The following GRIN2A variants were observed in gnomAD, a reference collection of about 807,000 sequenced individuals.
The protein encoded by GRIN2A is glutamate ionotropic receptor NMDA type subunit 2A, also known as glutamate receptor ionotropic, NMDA 2A.
Under a neutral mutation model 113.4 loss-of-function variants are expected in GRIN2A, and 22 were observed. That is an observed-to-expected ratio of 0.19 (90% CI 0.14 to 0.28). The LOEUF (loss-of-function observed/expected upper bound fraction) is 0.28. Among genes scored for constraint, GRIN2A ranks in the 10% least tolerant of loss-of-function variants. The probability of loss-of-function intolerance (pLI) is 1.00; values close to 1 mark genes in which losing one functional copy is unlikely to be tolerated. For synonymous variants in GRIN2A, 827 were observed against 738.4 expected, an observed-to-expected ratio of 1.12 and a Z score of -1.94; for missense variants, 1,502 against 1,887.0, an observed-to-expected ratio of 0.80 and a Z score of 3.78.
intron 2 of GRIN2A, among the ~76,000 whole-genome samples, chr16:10,100,364 C>T (rs957282314): frequency 1.3e-5 from 2 of 152,274 alleles, no homozygotes; most frequent in Non-Finnish European, 2.9e-5. Flanking sequence ...GAGAGTAATT[C>T]GAAGACCTTT....
chr16:9,903,050 C>T (rs1455908021), intron 3 of GRIN2A, among the ~76,000 whole-genome samples: 1 of 150,212 alleles, frequency 6.7e-6, no homozygotes, highest in Non-Finnish European at 1.5e-5. Context: ...CTCATTGCAA[C>T]CCCCACCTCC....
At chr16:9,777,845 C>T (rs553697177) in intron 11 of GRIN2A, among the ~76,000 whole-genome samples, 5 of 152,348 alleles carry the variant, frequency 3.3e-5, no homozygotes, top group East Asian at 1.9e-4. Flanking sequence ...ACGCAGATCA[C>T]CTGGGGTCAG....
At chr16:9,986,592 G>C (rs537472465) in intron 2 of GRIN2A, among the ~76,000 whole-genome samples, 1 of 151,810 alleles carries the variant, frequency 6.6e-6, no homozygotes, top group East Asian at 1.9e-4. Context: ...GTGAAACCCC[G>C]TCTCTACTAA....
At chr16:10,071,336 A>G (rs1394442985) in intron 2 of GRIN2A, among the ~76,000 whole-genome samples, 1 of 152,200 alleles carries the variant, frequency 6.6e-6, no homozygotes, top group African/African-American at 2.4e-5. Flanking sequence ...GGAATTACTG[A>G]CAGATCCAGT....
At chr16:9,870,050 G>C (rs1356596215) in intron 4 of GRIN2A, among the ~76,000 whole-genome samples, 1 of 152,160 alleles carries the variant, frequency 6.6e-6, no homozygotes, top group African/African-American at 2.4e-5. Flanking sequence ...GCTCTAAGAG[G>C]AGACAGATCT....
intron 10 of GRIN2A, among the ~76,000 whole-genome samples, chr16:9,816,493 C>T (rs903523667): frequency 5.9e-5 from 9 of 152,118 alleles, no homozygotes; most frequent in Admixed American, 2.0e-4. Flanking sequence ...ACATGAAAAT[C>T]AATTAAAAGA....
At position 10,180,197 on chromosome 16, in the gene GRIN2A, A is replaced by T; in HGVS notation, c.215T>A (p.Leu72Gln). The T allele has an allele frequency of 1.9e-6, 3 of 1,614,196 alleles. No individual in the cohort carries two copies. Among genetic ancestry groups the T allele is most frequent in the Non-Finnish European group, 2.5e-6 (3 of 1,180,050 alleles). The change falls in exon 2 of 13, where the codon CTG becomes CAG. Residue 72 changes from leucine (L) to glutamine (Q), a missense_variant. Coordinates refer to ENST00000330684, the MANE Select transcript of GRIN2A (RefSeq NM_001134407.3). This position sits in a 1 kb window ranked among gnomAD's most constrained non-coding sequence, Gnocchi z 7.0. ...CTTGGGGTCGGTGCGGTTCATCAGC[A>T]GAGCTACCACGTTCACGTCCAGGGG... ...GLPLDVNVVA[L>Q]LMNRTDPKSL...
At chr16:9,986,691 G>A (rs187009251) in intron 2 of GRIN2A, among the ~76,000 whole-genome samples, 49 of 149,502 alleles carry the variant, frequency 3.3e-4, no homozygotes, top group Admixed American at 3.1e-3. Flanking sequence ...CTTAAACTCA[G>A]GAGACGGAGG....
At chr16:9,852,049 C>A (rs1001774735) in intron 4 of GRIN2A, among the ~76,000 whole-genome samples, 1 of 152,206 alleles carries the variant, frequency 6.6e-6, no homozygotes, top group African/African-American at 2.4e-5. Flanking sequence ...AATGACATAA[C>A]TTTTGAGCAC....
intron 2 of GRIN2A, among the ~76,000 whole-genome samples, chr16:9,991,019 A>T (rs2046101906): frequency 1.3e-5 from 2 of 152,132 alleles, no homozygotes; most frequent in Admixed American, 1.3e-4. Flanking sequence ...GTGAGCTGAG[A>T]TCACGCCACT....
chr16:10,052,328 T>C (rs1031613119), intron 2 of GRIN2A, among the ~76,000 whole-genome samples: 5 of 152,238 alleles, frequency 3.3e-5, no homozygotes, highest in African/African-American at 9.6e-5. Context: ...CACTTCACAG[T>C]TAAGGAGACT....
intron 2 of GRIN2A, among the ~76,000 whole-genome samples, chr16:9,950,124 G>A (rs2045142353): frequency 6.6e-6 from 1 of 152,162 alleles, no homozygotes; most frequent in Non-Finnish European, 1.5e-5. Context: ...AGGCAAAGTG[G>A]ATTCCTTCTC....
At chr16:9,846,496 T>C (rs2042774694) in intron 5 of GRIN2A, among the ~76,000 whole-genome samples, 1 of 152,168 alleles carries the variant, frequency 6.6e-6, no homozygotes, top group South Asian at 2.1e-4. Flanking sequence ...TTGCATCTTG[T>C]GTGATAATAG....
chr16:10,024,830 T>G (rs2046790587), intron 2 of GRIN2A, among the ~76,000 whole-genome samples: 1 of 152,218 alleles, frequency 6.6e-6, no homozygotes, highest in African/African-American at 2.4e-5. Flanking sequence ...TTGGATGGCA[T>G]GAGAGACCAC....
rs1040783081 is a variant in GRIN2A at position 9,789,804 on chromosome 16, G to C, written c.2356+8473C>G. 7.2e-5 allele frequency among the ~76,000 whole-genome samples: 11 copies of C among 152,282 alleles called. No individual in the cohort carries two copies. The South Asian group carries it at 2.3e-3, about 32-fold the overall frequency. On this transcript the variant is annotated intron_variant, in intron 11 of 12. Transcript: ENST00000330684. ...CAATGAACAAAACCACATCAGTGAA[G>C]AACAGCAAAAGTCAAGGGTGGAGCA...
Position 10,044,005 on chromosome 16 carries a change from G to GTATATATA in GRIN2A, c.415-105455_415-105454insTATATATA, listed in dbSNP as rs749614491. On this transcript the variant is annotated intron_variant, in intron 2 of 12. Coordinates refer to ENST00000330684, the MANE Select transcript of GRIN2A (RefSeq NM_001134407.3). ...TATACACATACGTGTGTGTGTGTGT[G>GTATATATA]TGTATATATATATATATAGAGAGAG... is the stretch of plus-strand genomic sequence containing the variant. Among the ~76,000 whole-genome samples the GTATATATA allele has an allele frequency of 8.6e-3, 859 of 99,598 alleles. 6 individuals are homozygous for GTATATATA. Among genetic ancestry groups the GTATATATA allele is most frequent in the African/African-American group, 0.019 (479 of 25,100 alleles). The allele number at this position is 99,598 out of a possible 152,430, so 65.3% of individuals were successfully genotyped here.
At chr16:9,897,102 T>C (rs1373013429) in intron 3 of GRIN2A, among the ~76,000 whole-genome samples, 1 of 151,680 alleles carries the variant, frequency 6.6e-6, no homozygotes, top group East Asian at 1.9e-4. Context: ...AAGACTCTAG[T>C]GATTTGCCAA....
At chr16:10,088,939 T>C (rs2048133825) in intron 2 of GRIN2A, among the ~76,000 whole-genome samples, 2 of 152,258 alleles carry the variant, frequency 1.3e-5, no homozygotes, top group Admixed American at 6.5e-5. Context: ...CAAATAATTA[T>C]TGACACCCTT....
intron 2 of GRIN2A, among the ~76,000 whole-genome samples, chr16:9,964,993 G>T (rs983019118): frequency 2.6e-5 from 4 of 152,184 alleles, no homozygotes; most frequent in African/African-American, 4.8e-5. Context: ...TGATTCAAGA[G>T]TATGAGAAGG....
Sources: allele counts gnomAD v4.1 joint callset (sites outside exome capture counted in the v4.1 genomes callset), GRCh38; gene constraint gnomAD v4.1.1; non-coding constraint Gnocchi (gnomAD v3.1); transcripts MANE v1.5; gene names NCBI Gene and HGNC (gene_info 2026-07-23, HGNC 2026-07-21).